The following XKR9 variants were observed in gnomAD, a reference collection of about 807,000 sequenced individuals.
The protein encoded by XKR9 is XK-related protein 9.
XKR9 carries 32 observed loss-of-function variants against 32.0 expected under a neutral mutation model. The observed-to-expected ratio is 1.00, with a 90% CI of 0.76 to 1.34. The LOEUF (loss-of-function observed/expected upper bound fraction) is 1.34, where lower values mean the gene tolerates loss of function less well. Among genes scored for constraint, XKR9 ranks in the 40% most tolerant of loss-of-function variants. XKR9 has a pLI of 0.00. For synonymous variants in XKR9, 168 were observed against 143.4 expected, an observed-to-expected ratio of 1.17 and a Z score of -1.22; for missense variants, 546 against 429.7, an observed-to-expected ratio of 1.27 and a Z score of -2.39.
the XKR9 span, among the ~76,000 whole-genome samples, chr8:71,038,305 CTT>C: frequency 6.8e-6 from 1 of 146,908 alleles, no homozygotes; most frequent in Non-Finnish European, 1.5e-5. Context: ...CTCTCTCTCT[CTT>C]TCTTTCTTTC....
At chr8:70,995,629 T>C in the XKR9 span, among the ~76,000 whole-genome samples, 596 of 152,318 alleles carry the variant, frequency 3.9e-3, 6 homozygotes, top group African/African-American at 0.014. Flanking sequence ...GTTATGGGAA[T>C]TTTGTGCCAG....
the XKR9 span, among the ~76,000 whole-genome samples, chr8:71,009,174 G>T: frequency 6.6e-6 from 1 of 152,142 alleles, no homozygotes; most frequent in Non-Finnish European, 1.5e-5. Context: ...TGGGACTATG[G>T]AGACAGTAGT....
chr8:70,685,363 G>T (rs1819229701), intron 3 of XKR9, among the ~76,000 whole-genome samples: 3 of 92,850 alleles, frequency 3.2e-5, no homozygotes, highest in Non-Finnish European at 5.7e-5. Flanking sequence ...GGGGAGGGGG[G>T]AGGGATAGCA....
At chr8:70,753,445 T>G (rs192189910) in intron 2 of XKR9, among the ~76,000 whole-genome samples, 13,273 of 137,634 alleles carry the variant, frequency 0.096, 1,141 homozygotes, top group Admixed American at 0.29. Context: ...TACCAAAGCC[T>G]GGCAGAGACA....
At chr8:70,911,570 T>C in the XKR9 span, among the ~76,000 whole-genome samples, 1 of 152,230 alleles carries the variant, frequency 6.6e-6, no homozygotes, top group Non-Finnish European at 1.5e-5. Flanking sequence ...CTAGCACTTA[T>C]CACGTGTCAA....
intron 2 of XKR9, among the ~76,000 whole-genome samples, chr8:70,752,543 C>T (rs1394338833): frequency 3.3e-5 from 5 of 152,108 alleles, no homozygotes; most frequent in African/African-American, 1.2e-4. Flanking sequence ...TGAGAATTTA[C>T]CCCTAAAAGG....
At chr8:70,817,059 C>T in the XKR9 span, among the ~76,000 whole-genome samples, 4 of 151,796 alleles carry the variant, frequency 2.6e-5, no homozygotes, top group African/African-American at 9.7e-5. Flanking sequence ...TCTAGAAAAC[C>T]CTAAAGACTC....
the XKR9 span, among the ~76,000 whole-genome samples, chr8:70,975,800 G>A: frequency 6.6e-6 from 1 of 152,114 alleles, no homozygotes; most frequent in Non-Finnish European, 1.5e-5. Flanking sequence ...TAGCTTGATG[G>A]GGATGGCATT....
At chr8:70,726,988 TA>T (rs35155554) in intron 4 of XKR9, among the ~76,000 whole-genome samples, 17,953 of 152,000 alleles carry the variant, frequency 0.12, 1,272 homozygotes, top group African/African-American at 0.2. Flanking sequence ...TTTGTTTCCT[TA>T]AAAAAATCTG....
At chr8:70,725,182 C>T (rs1806421522) in intron 4 of XKR9, among the ~76,000 whole-genome samples, 1 of 152,146 alleles carries the variant, frequency 6.6e-6, no homozygotes, top group Admixed American at 6.6e-5. Flanking sequence ...CTCCGGGTCC[C>T]TCCCATGACA....
the XKR9 span, among the ~76,000 whole-genome samples, chr8:71,021,866 T>C: frequency 2.0e-5 from 3 of 152,228 alleles, no homozygotes; most frequent in African/African-American, 7.2e-5. Flanking sequence ...ATTTTTATTT[T>C]TGTTACAATT....
At chr8:70,899,198 G>A in the XKR9 span, among the ~76,000 whole-genome samples, 272 of 152,200 alleles carry the variant, frequency 1.8e-3, 8 homozygotes, top group Non-Finnish European at 6.2e-4. Flanking sequence ...GCATTTTATT[G>A]TGCTGTGTCT....
the XKR9 span, among the ~76,000 whole-genome samples, chr8:70,996,019 T>C: frequency 2.6e-4 from 40 of 152,230 alleles, no homozygotes; most frequent in Non-Finnish European, 5.1e-4. Flanking sequence ...TATGTATTTT[T>C]GTACACAACT....
the XKR9 span, among the ~76,000 whole-genome samples, chr8:70,967,043 A>C: frequency 2.1e-5 from 3 of 144,974 alleles, no homozygotes; most frequent in Non-Finnish European, 4.5e-5. Context: ...GCCTGAAGAC[A>C]GCACACTGAT....
the XKR9 span, among the ~76,000 whole-genome samples, chr8:70,987,690 G>T: frequency 1.3e-5 from 2 of 152,180 alleles, no homozygotes; most frequent in Non-Finnish European, 1.5e-5. Context: ...TCTGGGGTCT[G>T]GAGGATGGTG....
chr8:70,746,999 A>G (rs1807067650), intron 2 of XKR9, among the ~76,000 whole-genome samples: 1 of 152,132 alleles, frequency 6.6e-6, no homozygotes, highest in African/African-American at 2.4e-5. Context: ...GCTCCCACTT[A>G]TAAGTGAGAA....
At chr8:70,685,529 ATACACCATGGAATACTATG>A (rs1471655701) in intron 3 of XKR9, among the ~76,000 whole-genome samples, 2 of 150,048 alleles carry the variant, frequency 1.3e-5, no homozygotes, top group African/African-American at 4.9e-5. Flanking sequence ...TGTGGCACAC[ATACACCATGGAATACTATG>A]CAGCCATAAA....
chr8:70,855,204 G>T, the XKR9 span, among the ~76,000 whole-genome samples: 2 of 151,902 alleles, frequency 1.3e-5, no homozygotes, highest in African/African-American at 4.8e-5. Context: ...AGTTTGAACC[G>T]ATGGCAAAGA....
At chr8:70,846,626 GC>G in the XKR9 span, among the ~76,000 whole-genome samples, 1 of 151,916 alleles carries the variant, frequency 6.6e-6, no homozygotes, top group East Asian at 1.9e-4. Flanking sequence ...ACTATATGAT[GC>G]CTACAGAAAC....
Sources: gnomAD v4.1 joint callset for allele counts (sites outside exome capture counted in the v4.1 genomes callset) on GRCh38, gnomAD v4.1.1 for gene constraint, MANE v1.5 for transcripts, NCBI Gene and HGNC (gene_info 2026-07-23, HGNC 2026-07-21) for gene names.